The following TASP1 variants were observed in gnomAD, a reference collection of about 807,000 sequenced individuals.
The protein encoded by TASP1 is taspase 1.
In TASP1, 16 loss-of-function variants were observed where a neutral mutation model predicts 56.6. That is an observed-to-expected ratio of 0.28 (90% CI 0.19 to 0.43). TASP1 has a LOEUF of 0.43. Ranked by LOEUF, TASP1 falls within the 20% of genes least tolerant of loss-of-function variation. The pLI is 1.00. For synonymous variants in TASP1, 179 were observed against 184.2 expected (o/e 0.97, Z 0.23); for missense variants, 393 against 511.6 (o/e 0.77, Z 2.24).
the TASP1 span, among the ~76,000 whole-genome samples, chr20:13,170,006 A>G: frequency 6.6e-6 from 1 of 152,226 alleles, no homozygotes; most frequent in Non-Finnish European, 1.5e-5. Context: ...TTCTTTCCCT[A>G]TTGTATAGCC....
At chr20:13,511,304 C>T (rs889044332) in intron 10 of TASP1, among the ~76,000 whole-genome samples, 1 of 151,782 alleles carries the variant, frequency 6.6e-6, no homozygotes, top group Non-Finnish European at 1.5e-5. Context: ...AATGAAGCAA[C>T]GGAGCAAGCA....
intron 1 of TASP1, among the ~76,000 whole-genome samples, chr20:13,636,518 C>G (rs1282515818): frequency 6.6e-6 from 1 of 151,852 alleles, no homozygotes; most frequent in Non-Finnish European, 1.5e-5. Flanking sequence ...TAAATGAACT[C>G]CAGGACATAC....
intron 4 of TASP1, among the ~76,000 whole-genome samples, chr20:13,612,143 A>T (rs6109973): frequency 0.028 from 4,325 of 152,304 alleles, 214 homozygotes; most frequent in African/African-American, 0.096. Flanking sequence ...ACCTCTTGCT[A>T]CTTAAAGAAA....
At chr20:13,418,244 G>T (rs1263663756) in intron 12 of TASP1, among the ~76,000 whole-genome samples, 2 of 152,118 alleles carry the variant, frequency 1.3e-5, no homozygotes, top group Non-Finnish European at 2.9e-5. Flanking sequence ...CTACGAAAAA[G>T]AACCAGGATT....
At chr20:13,362,375 A>C in the TASP1 span, among the ~76,000 whole-genome samples, 20 of 151,968 alleles carry the variant, frequency 1.3e-4, no homozygotes, top group East Asian at 1.4e-3. Context: ...GAAATTCCAC[A>C]ACAAAAGAAG....
chr20:13,517,229 G>A lies in TASP1; in HGVS notation c.874+11204C>T, dbSNP rs181082269. 3.2e-3 allele frequency among the ~76,000 whole-genome samples: 492 copies of A among 152,112 alleles called. 2 individuals are homozygous for A. Among genetic ancestry groups the A allele is most frequent in the East Asian group, 0.012 (60 of 5,174 alleles). Reference sequence around the variant, plus strand: ...AGGCCCCAGGTTTCATGTCTTTTGAGGACAAGGACTATGTTTTTAATTCTC... The same window carrying A: ...AGGCCCCAGGTTTCATGTCTTTTGAAGACAAGGACTATGTTTTTAATTCTC... On this transcript the variant is annotated intron_variant, in intron 10 of 13. Coordinates refer to ENST00000337743, the MANE Select transcript of TASP1 (RefSeq NM_017714.3).
intron 11 of TASP1, among the ~76,000 whole-genome samples, chr20:13,454,185 A>G (rs2043739195): frequency 1.3e-5 from 2 of 152,104 alleles, no homozygotes; most frequent in Admixed American, 6.6e-5. Context: ...TCCTCTTTTC[A>G]GTGGAGGGCC....
intron 11 of TASP1, among the ~76,000 whole-genome samples, chr20:13,465,970 C>T (rs1197076317): frequency 6.6e-6 from 1 of 152,006 alleles, no homozygotes; most frequent in East Asian, 1.9e-4. Flanking sequence ...CTGCATAGAA[C>T]TAAATACACA....
the TASP1 span, among the ~76,000 whole-genome samples, chr20:13,146,966 G>T: frequency 2.0e-5 from 3 of 152,216 alleles, no homozygotes; most frequent in Admixed American, 2.0e-4. Context: ...CAAAAAGCCA[G>T]TTCCTGGCTC....
the TASP1 span, among the ~76,000 whole-genome samples, chr20:13,219,767 A>T: frequency 1.3e-5 from 2 of 152,098 alleles, no homozygotes; most frequent in East Asian, 3.9e-4. Flanking sequence ...AGCAGACCCT[A>T]CCTTAACTAC....
chr20:13,146,389 A>G, the TASP1 span, among the ~76,000 whole-genome samples: 9 of 152,112 alleles, frequency 5.9e-5, no homozygotes, highest in Admixed American at 2.6e-4. Flanking sequence ...GTGTTTACCT[A>G]TGTAACAAAT....
At chr20:13,137,784 T>C in the TASP1 span, among the ~76,000 whole-genome samples, 1 of 152,182 alleles carries the variant, frequency 6.6e-6, no homozygotes, top group Non-Finnish European at 1.5e-5. Flanking sequence ...ATCCAGGCCT[T>C]CCGTGATTTC....
At chr20:13,226,288 C>T in the TASP1 span, among the ~76,000 whole-genome samples, 1 of 152,162 alleles carries the variant, frequency 6.6e-6, no homozygotes, top group Non-Finnish European at 1.5e-5. Context: ...ATCCAAGCCA[C>T]TTATAGCAGT....
At chr20:13,114,042 G>T in the TASP1 span, among the ~76,000 whole-genome samples, 3 of 152,288 alleles carry the variant, frequency 2.0e-5, no homozygotes, top group Admixed American at 6.5e-5. Flanking sequence ...AGGCAGAGCG[G>T]GGATTAAAAC....
chr20:13,198,339 C>G, the TASP1 span, among the ~76,000 whole-genome samples: 3 of 152,124 alleles, frequency 2.0e-5, no homozygotes, highest in South Asian at 6.2e-4. Context: ...TTCCCAGCTG[C>G]AGATGGCTGA....
At chr20:13,215,155 G>T in the TASP1 span, among the ~76,000 whole-genome samples, 10 of 152,222 alleles carry the variant, frequency 6.6e-5, no homozygotes, top group Non-Finnish European at 1.0e-4. Flanking sequence ...GGTCTTGGAA[G>T]TTAGGAAACC....
the TASP1 span, among the ~76,000 whole-genome samples, chr20:13,192,256 G>A: frequency 4.6e-5 from 7 of 152,284 alleles, no homozygotes; most frequent in South Asian, 1.5e-3. Context: ...AAAGAACAGG[G>A]CCGGGAATGG....
At chr20:13,314,037 A>T in the TASP1 span, among the ~76,000 whole-genome samples, 1 of 152,202 alleles carries the variant, frequency 6.6e-6, no homozygotes, top group Admixed American at 6.5e-5. Flanking sequence ...CTGAAGAAAG[A>T]ATCTCTGAAC....
At chr20:13,573,231 T>C (rs1294077386) in intron 6 of TASP1, among the ~76,000 whole-genome samples, 1 of 152,228 alleles carries the variant, frequency 6.6e-6, no homozygotes, top group Non-Finnish European at 1.5e-5. Flanking sequence ...TACAACTGTG[T>C]TCCCCCAAAA....
Sources: allele counts gnomAD v4.1 joint callset (sites outside exome capture counted in the v4.1 genomes callset), GRCh38; gene constraint gnomAD v4.1.1; transcripts MANE v1.5; gene names NCBI Gene and HGNC (gene_info 2026-07-23, HGNC 2026-07-21).